SPINK4: variants seen among roughly 807,000 people sequenced by gnomAD.
SPINK4 encodes the protein serine peptidase inhibitor Kazal type 4, also known as serine protease inhibitor Kazal-type 4.
A neutral mutation model predicts 12.3 loss-of-function variants in SPINK4; 10 were observed. The observed-to-expected ratio is 0.81, with a 90% CI of 0.50 to 1.37. SPINK4 has a LOEUF of 1.37. Ranked by LOEUF, SPINK4 falls within the 40% of genes most tolerant of loss-of-function variation. The pLI, the probability that SPINK4 is intolerant of heterozygous loss-of-function variation, is 0.00. For missense variants in SPINK4, 91 were observed against 109.0 expected (o/e 0.84, Z 0.73); for synonymous variants, 37 against 40.2 (o/e 0.92, Z 0.30).
In SPINK4 at chr9:33,248,563, A is replaced by G; in HGVS notation, c.*92A>G. On this transcript the variant is annotated 3_prime_UTR_variant, in exon 4 of 4. Transcript: ENST00000379721. ...GACATGAAATAAAAGATCCAGCCCA[A>G]CTGAGTGAAGTGGTCAGTGTCTCTG... 2 of 1,487,160 alleles carry G rather than the reference A, an allele frequency of 1.3e-6. No individual in the cohort carries two copies. The highest frequency in any genetic ancestry group is 1.2e-5 in the South Asian group (1 of 85,294). The allele number at this position is 1,487,160 out of a possible 1,614,324, so 92.1% of individuals were successfully genotyped here.
chr9:33,241,882 C>CA (rs1035893998), intron 1 of SPINK4, among the ~76,000 whole-genome samples: 75 of 151,474 alleles, frequency 5.0e-4, no homozygotes, highest in African/African-American at 1.6e-3. Context: ...TTTATTTAAA[C>CA]AAAAATTTTT....
intron 1 of SPINK4, among the ~76,000 whole-genome samples, chr9:33,244,346 C>T (rs374094461): frequency 8.2e-4 from 125 of 152,304 alleles, no homozygotes; most frequent in African/African-American, 2.4e-3. Context: ...GAGCCTCTTT[C>T]GTAGTTCGTT....
intron 1 of SPINK4, among the ~76,000 whole-genome samples, chr9:33,244,338 G>A (rs1258902044): frequency 6.6e-6 from 1 of 152,166 alleles, no homozygotes; most frequent in East Asian, 1.9e-4. Context: ...ACCTCTTTGA[G>A]CCTCTTTCGT....
intron 2 of SPINK4, among the ~76,000 whole-genome samples, chr9:33,246,402 C>G (rs1381783719): frequency 6.6e-6 from 1 of 152,176 alleles, no homozygotes; most frequent in Non-Finnish European, 1.5e-5. Context: ...ATGTACACAT[C>G]CAGCCATAGG....
At chr9:33,244,947 C>T (rs1890089) in intron 1 of SPINK4, among the ~76,000 whole-genome samples, 165 bp from the exon 2 acceptor site, 89,710 of 152,068 alleles carry the variant, frequency 0.59, 32,051 homozygotes, top group Non-Finnish European at 0.77. Context: ...AAGATCACAT[C>T]AGCTTTCTGG....
At chr9:33,248,130 T>C (rs1656195151) in intron 3 of SPINK4, 1 of 408,866 alleles carries the variant, frequency 2.4e-6, no homozygotes, top group Non-Finnish European at 4.5e-6. Flanking sequence ...CCACTGGATA[T>C]GGACAACTGC....
chr9:33,240,321 TG>T, intron 1 of SPINK4, 52 bp downstream of exon 1: 3 of 1,534,090 alleles, frequency 2.0e-6, no homozygotes, highest in East Asian at 2.5e-5. Context: ...TAGGTGAGCT[TG>T]GGGTGAGAGC....
chr9:33,243,424 G>C (rs1820258656), intron 1 of SPINK4, among the ~76,000 whole-genome samples: 1 of 151,972 alleles, frequency 6.6e-6, no homozygotes, highest in South Asian at 2.1e-4. Flanking sequence ...TGCCCAGGCT[G>C]GTCTCAAACT....
chr9:33,241,109 T>C (rs1202336862), intron 1 of SPINK4, among the ~76,000 whole-genome samples: 1 of 129,380 alleles, frequency 7.7e-6, no homozygotes, highest in Non-Finnish European at 1.5e-5. Flanking sequence ...GACTAAGCCA[T>C]GTGGATATCT....
Position 33,240,197 on chromosome 9 carries a change from C to A in SPINK4, c.-12C>A, listed in dbSNP as rs779786066. ...CCCCAGCCAGCTCAGGCTACACTAT[C>A]CCAGGATCAGCATGGCCGTCCGCCA... On this transcript the variant is annotated 5_prime_UTR_variant, in exon 1 of 4. Transcript: ENST00000379721. 12 of 1,601,760 alleles carry A rather than the reference C, an allele frequency of 7.5e-6. 1 individual carries two copies. The Admixed American group carries it at 2.0e-4, about 27-fold the overall frequency.
chr9:33,241,775 G>C (rs1820237130), intron 1 of SPINK4, among the ~76,000 whole-genome samples: 1 of 152,238 alleles, frequency 6.6e-6, no homozygotes, highest in East Asian at 1.9e-4. Flanking sequence ...GGGCAGCCTG[G>C]GGGTAAATGT....
rs77426468 is a variant in SPINK4, at chr9:33,245,047, C to A, written c.62-65C>A. The A allele has an allele frequency of 4.2e-3, 6,510 of 1,551,538 alleles. 259 individuals carry two copies. In the African/African-American group the frequency reaches 0.08, roughly 19 times the overall value. On this transcript the variant is annotated intron_variant, in intron 1 of 3. Transcript: ENST00000379721. The stretch of plus-strand genomic sequence containing the variant: ...CCAAGCTCCCTGAAGCAGAAGCAGT[C>A]CTCAGACCCCTAGACCTGGGGTCTA...
intron 2 of SPINK4, among the ~76,000 whole-genome samples, chr9:33,245,594 C>T (rs1820277506): frequency 1.3e-5 from 2 of 152,310 alleles, no homozygotes; most frequent in East Asian, 1.9e-4. Flanking sequence ...AAGTTGTCCC[C>T]GAATCCTGAT....
chr9:33,248,178 T>G, intron 3 of SPINK4: 1 of 536,448 alleles, frequency 1.9e-6, no homozygotes, highest in Non-Finnish European at 3.3e-6. Context: ...TGGAGACAGA[T>G]TTGGCAGCCA....
At chr9:33,247,635 G>A (rs2117887303) in intron 3 of SPINK4, among the ~76,000 whole-genome samples, 1 of 152,312 alleles carries the variant, frequency 6.6e-6, no homozygotes, top group South Asian at 2.1e-4. Context: ...GGAGTATAAG[G>A]TTTAAGGGAG....
Position 33,246,721 on chromosome 9 carries a change from G to C in SPINK4, c.208G>C (p.Ala70Pro). 1 of 1,613,880 alleles carries C rather than the reference G, an allele frequency of 6.2e-7. No individual in the cohort carries two copies. Among genetic ancestry groups the C allele is most frequent in the Admixed American group, 1.7e-5 (1 of 60,000 alleles). ...TACGAATGAATGCCAGCTCTGCTTG[G>C]CCCGGATGTAAGTCTGCCCCACAAC... ...TYTNECQLCL[A>P]RIKTKQDIQI... The change falls in exon 3 of 4, where the codon GCC becomes CCC. Residue 70 changes from alanine to proline, a missense_variant. Transcript: ENST00000379721.
chr9:33,243,050 A>T (rs1045074024), intron 1 of SPINK4, among the ~76,000 whole-genome samples: 136 of 151,832 alleles, frequency 9.0e-4, no homozygotes, highest in Middle Eastern at 3.5e-3. Context: ...TAATTTAAAA[A>T]TTTTTTTAAA....
At chr9:33,240,396 T>C in intron 1 of SPINK4, 127 bp downstream of exon 1, 2 of 774,294 alleles carry the variant, frequency 2.6e-6, no homozygotes, top group Non-Finnish European at 4.0e-6. Context: ...ATTCTGCATA[T>C]GCACCCTCCA....
intron 1 of SPINK4, among the ~76,000 whole-genome samples, chr9:33,242,407 C>T (rs780023430): frequency 5.9e-5 from 9 of 151,494 alleles, no homozygotes; most frequent in Non-Finnish European, 1.3e-4. Context: ...TATGATTCGG[C>T]GGGAGGAGAA....
Sources: allele counts gnomAD v4.1 joint callset (sites outside exome capture counted in the v4.1 genomes callset), GRCh38; gene constraint gnomAD v4.1.1; transcripts MANE v1.5; gene names NCBI Gene and HGNC (gene_info 2026-07-23, HGNC 2026-07-21).